The following PRKCH variants were observed in gnomAD, a reference collection of about 807,000 sequenced individuals.
PRKCH encodes the protein protein kinase C eta type.
In PRKCH, 28 loss-of-function variants were observed where a neutral mutation model predicts 82.5. The observed-to-expected ratio is 0.34, with a 90% confidence interval of 0.25 to 0.47. The LOEUF (loss-of-function observed/expected upper bound fraction) is 0.47. PRKCH is among the 20% of genes least tolerant of loss of function. PRKCH has a pLI of 1.00. For synonymous variants in PRKCH, 322 were observed against 327.4 expected (o/e 0.98, Z 0.18); for missense variants, 705 against 881.8 (o/e 0.80, Z 2.54).
rs3783791 is a variant in PRKCH at position 61,469,825 on chromosome 14, G to A, written c.1278+12146G>A. Among the ~76,000 whole-genome samples the A allele has an allele frequency of 6.9e-3, 1,046 of 152,196 alleles. 33 individuals are homozygous for A. The East Asian group carries it at 0.078, about 11-fold the overall frequency. ...GAGAGTTGTGCACTGGCAGGTTAGG[G>A]GGGAAGGTGTTCATTCATTCAGCAG... is the stretch of plus-strand genomic sequence containing the variant. On this transcript the variant is annotated intron_variant, in intron 9 of 13. Transcript: ENST00000332981.
chr14:61,443,062 G>C, intron 2 of PRKCH, 49 bp from the exon 3 acceptor site: 3 of 1,560,872 alleles, frequency 1.9e-6, no homozygotes, highest in Non-Finnish European at 2.6e-6. Context: ...TATTAGGTGC[G>C]TTAGGTTCCT....
At chr14:61,392,845 T>G (rs201341670) in intron 2 of PRKCH, among the ~76,000 whole-genome samples, 15 of 93,386 alleles carry the variant, frequency 1.6e-4, no homozygotes, top group Middle Eastern at 4.5e-3. Flanking sequence ...TCTTTTTTTG[T>G]TTTTTTTTTT....
chr14:61,408,718 G>A (rs747236030), intron 2 of PRKCH, among the ~76,000 whole-genome samples: 4 of 152,146 alleles, frequency 2.6e-5, no homozygotes, highest in East Asian at 1.9e-4. Flanking sequence ...AAGGAAATCC[G>A]TGCCCCATTT....
intron 6 of PRKCH, among the ~76,000 whole-genome samples, chr14:61,451,998 C>T (rs1022831807): frequency 1.6e-4 from 25 of 152,192 alleles, no homozygotes; most frequent in African/African-American, 4.3e-4. Flanking sequence ...TTGATCTTAG[C>T]GTGACGGTCT....
intron 1 of PRKCH, among the ~76,000 whole-genome samples, chr14:61,335,167 G>T (rs1331882173): frequency 6.6e-6 from 1 of 152,142 alleles, no homozygotes; most frequent in Non-Finnish European, 1.5e-5. Context: ...CCACAGGGTT[G>T]CCTCTTAGAA....
intron 2 of PRKCH, among the ~76,000 whole-genome samples, chr14:61,440,614 G>A (rs1049562342): frequency 4.6e-5 from 7 of 152,284 alleles, no homozygotes; most frequent in South Asian, 2.1e-4. Context: ...GGTGGCTCAC[G>A]CCTGTAATCC....
At chr14:61,402,771 C>G (rs1355015502) in intron 2 of PRKCH, among the ~76,000 whole-genome samples, 1 of 151,386 alleles carries the variant, frequency 6.6e-6, no homozygotes, top group Non-Finnish European at 1.5e-5. Context: ...TGCACTCCAG[C>G]CTGGTGACAG....
At chr14:61,350,991 A>G (rs1266384859) in intron 1 of PRKCH, among the ~76,000 whole-genome samples, 2 of 152,166 alleles carry the variant, frequency 1.3e-5, no homozygotes, top group Non-Finnish European at 1.5e-5. Flanking sequence ...TCTTTATGGC[A>G]TCCTTTTGAT....
Position 61,457,079 on chromosome 14 carries a change from G to T in PRKCH, c.961-97G>T. 2.2e-6 allele frequency: 3 copies of T among 1,343,144 alleles called. No homozygotes were observed. In the South Asian group the frequency reaches 4.3e-5, roughly 19 times the overall value. 83.2% of individuals were successfully genotyped at this position (1,343,144 alleles called of 1,614,324 possible). The stretch of plus-strand genomic sequence containing the variant: ...TTGATCTTTCCCCCACGTTATACTG[G>T]GGGTGAGACTGCTCCCAGCCAATAA... On this transcript the variant is annotated intron_variant, in intron 7 of 13. Coordinates refer to ENST00000332981, the MANE Select transcript of PRKCH (RefSeq NM_006255.5).
In PRKCH at chr14:61,502,065, CT is replaced by C. The variant is rs869064641; in HGVS notation, c.1433+16426del. On this transcript the variant is annotated intron_variant, in intron 10 of 13. Transcript: ENST00000332981. ...CTTTTCTTTTCTTTTCTTTTCTTTT[CT>C]TTTTTTTTTTTTTTTTCCGAGATGG... Among the ~76,000 whole-genome samples, 26 of 6,426 alleles carry C rather than the reference CT, an allele frequency of 4.0e-3. No homozygotes were observed. The East Asian group carries it at 0.091, about 23-fold the overall frequency. The allele number at this position is 6,426 out of a possible 152,430, so 4.2% of individuals were successfully genotyped here.
At chr14:61,243,958 A>C (rs964445243) in intron 1 of PRKCH, among the ~76,000 whole-genome samples, 13 of 152,042 alleles carry the variant, frequency 8.6e-5, no homozygotes, top group African/African-American at 1.4e-4. Flanking sequence ...TAAAAAAAAA[A>C]AAAAATACAG....
chr14:61,254,154 T>C (rs1023652092), intron 1 of PRKCH, among the ~76,000 whole-genome samples: 1 of 152,068 alleles, frequency 6.6e-6, no homozygotes, highest in Non-Finnish European at 1.5e-5. Flanking sequence ...TCTCTCATGT[T>C]TTATCATTTG....
chr14:61,449,976 A>G (rs557555262), intron 5 of PRKCH, among the ~76,000 whole-genome samples: 1 of 152,192 alleles, frequency 6.6e-6, no homozygotes, highest in African/African-American at 2.4e-5. Context: ...TTCATCTGCA[A>G]TAGGCATACA....
At chr14:61,535,556 G>A (rs902849923) in intron 12 of PRKCH, among the ~76,000 whole-genome samples, 1 of 152,116 alleles carries the variant, frequency 6.6e-6, no homozygotes, top group East Asian at 1.9e-4. Flanking sequence ...AGTGTGATGA[G>A]CAAAGGGGTG....
chr14:61,531,090 T>C, intron 12 of PRKCH, among the ~76,000 whole-genome samples: 1 of 152,244 alleles, frequency 6.6e-6, no homozygotes, highest in East Asian at 1.9e-4. Context: ...CTCCATGTTA[T>C]TCTTATGAAA....
chr14:61,436,410 C>A (rs574150727), intron 2 of PRKCH, among the ~76,000 whole-genome samples: 2 of 151,208 alleles, frequency 1.3e-5, no homozygotes, highest in African/African-American at 4.9e-5. Flanking sequence ...GGGTCTAATA[C>A]AGTGAGTCCA....
rs1175428942 is a variant in PRKCH at position 61,413,414 on chromosome 14, GC to G, written c.427+22130del. Among the ~76,000 whole-genome samples, 10 of 57,326 alleles carry G rather than the reference GC, an allele frequency of 1.7e-4. No individual in the cohort carries two copies. In the East Asian group the frequency reaches 5.2e-3, roughly 30 times the overall value. The allele number at this position is 57,326 out of a possible 152,430, so 37.6% of individuals were successfully genotyped here. On this transcript the variant is annotated intron_variant, in intron 2 of 13. Transcript: ENST00000332981. Reference sequence around the variant, plus strand: ...ATTTCTTTTTAAGCGCCCCCCCCCCGCCCCGCCCATGTACCCTGTGCCTATA... The same window carrying G: ...ATTTCTTTTTAAGCGCCCCCCCCCCGCCCGCCCATGTACCCTGTGCCTATA...
At chr14:61,467,545 G>C (rs947966488) in intron 9 of PRKCH, among the ~76,000 whole-genome samples, 7 of 152,226 alleles carry the variant, frequency 4.6e-5, no homozygotes, top group Admixed American at 4.6e-4. Flanking sequence ...CTGTGTTGCT[G>C]TGACACCCAG....
At chr14:61,309,884 G>T (rs985083774) in intron 1 of PRKCH, among the ~76,000 whole-genome samples, 1 of 152,162 alleles carries the variant, frequency 6.6e-6, no homozygotes, top group African/African-American at 2.4e-5. Flanking sequence ...GGAGGCCTCA[G>T]GAAACTTACA....
Sources: allele counts gnomAD v4.1 joint callset (sites outside exome capture counted in the v4.1 genomes callset), GRCh38; gene constraint gnomAD v4.1.1; transcripts MANE v1.5; gene names NCBI Gene and HGNC (gene_info 2026-07-23, HGNC 2026-07-21).